ALDH1L2: variants seen among roughly 807,000 people sequenced by gnomAD.
ALDH1L2 encodes the protein mitochondrial 10-formyltetrahydrofolate dehydrogenase.
In ALDH1L2, 91 loss-of-function variants were observed where a neutral mutation model predicts 111.0. The ratio of observed to expected loss-of-function variants is 0.82; its 90% CI spans 0.69 to 0.98. ALDH1L2 has a LOEUF of 0.98. Ranked by LOEUF, ALDH1L2 falls within the 50% of genes least tolerant of loss-of-function variation. The pLI, the probability that ALDH1L2 is intolerant of heterozygous loss-of-function variation, is 0.00. For missense variants in ALDH1L2, 995 were observed against 1,126.8 expected, an observed-to-expected ratio of 0.88 and a Z score of 1.67; for synonymous variants, 374 against 392.6, an observed-to-expected ratio of 0.95 and a Z score of 0.56.
rs1230465207 is a variant in ALDH1L2 at position 105,020,555 on chromosome 12, TC to T, written c.*3868del. 1.3e-5 allele frequency: 2 copies of T among 152,212 alleles called. No homozygotes were observed. The highest frequency in any genetic ancestry group is 4.8e-5 in the African/African-American group (2 of 41,444). The allele number at this position is 152,212 out of a possible 1,614,324, so 9.4% of individuals were successfully genotyped here. ...AAGTACCTGTTCATGAAACTTACAT[TC>T]TAATGGGAAAAGATCATTGATTAAT... On this transcript the variant is annotated 3_prime_UTR_variant, in exon 23 of 23. Coordinates refer to ENST00000258494, the MANE Select transcript of ALDH1L2 (RefSeq NM_001034173.4).
intron 1 of ALDH1L2, 33 bp downstream of exon 1, chr12:105,084,356 G>A: frequency 6.6e-7 from 1 of 1,505,252 alleles, no homozygotes; most frequent in Non-Finnish European, 8.8e-7. Context: ...AGGACAGGGT[G>A]ACAGCCGGGA....
At chr12:105,032,791 AC>A (rs1874778280) in intron 19 of ALDH1L2, among the ~76,000 whole-genome samples, 1 of 140,494 alleles carries the variant, frequency 7.1e-6, no homozygotes. Flanking sequence ...AATATCACAT[AC>A]TTACACTGTT....
chr12:105,026,680 TAAA>T lies in ALDH1L2; in HGVS notation c.2578_2580del (p.Phe860del). ...TACATAGCTTTGTTTATGTCTCTTG[TAAA>T]AACCCCTGAGGCCAAACCATACTCT... On this transcript the variant is annotated inframe_deletion, in exon 22 of 23. Coordinates refer to ENST00000258494, the MANE Select transcript of ALDH1L2 (RefSeq NM_001034173.4). 1 of 1,614,190 alleles carries T rather than the reference TAAA, an allele frequency of 6.2e-7. No homozygotes were observed. Among genetic ancestry groups the T allele is most frequent in the Non-Finnish European group, 8.5e-7 (1 of 1,180,026 alleles).
chr12:105,037,879 C>A (rs1225493759), intron 18 of ALDH1L2, among the ~76,000 whole-genome samples: 2 of 152,050 alleles, frequency 1.3e-5, no homozygotes, highest in Non-Finnish European at 2.9e-5. Flanking sequence ...ATTCTCCTGC[C>A]TCAGCCTCCC....
In ALDH1L2 at chr12:105,066,255, CTTGT is replaced by C. The variant is rs750845780; in HGVS notation, c.696+309_696+312del. Among the ~76,000 whole-genome samples, 3 of 152,188 alleles carry C rather than the reference CTTGT, an allele frequency of 2.0e-5. No individual in the cohort carries two copies. The South Asian group carries it at 6.2e-4, about 32-fold the overall frequency. ...GGCGTTTCTGGGCATTTTTTATTTGCTTGTTTGTTTGTTTGTTTGCATAGTATCT... is the reference window on the plus strand; with the variant it reads ...GGCGTTTCTGGGCATTTTTTATTTGCTTGTTTGTTTGTTTGCATAGTATCT... On this transcript the variant is annotated intron_variant, in intron 5 of 22. Coordinates refer to ENST00000258494, the MANE Select transcript of ALDH1L2 (RefSeq NM_001034173.4).
chr12:105,074,436 T>A (rs556712206), intron 1 of ALDH1L2, among the ~76,000 whole-genome samples: 1 of 122,304 alleles, frequency 8.2e-6, no homozygotes, highest in East Asian at 2.5e-4. Flanking sequence ...CCAGTCTGAG[T>A]GACAGAGCAA....
chr12:105,053,665 C>T (rs1876434895), intron 10 of ALDH1L2, among the ~76,000 whole-genome samples: 1 of 152,084 alleles, frequency 6.6e-6, no homozygotes, highest in Non-Finnish European at 1.5e-5. Flanking sequence ...ACTGAGTGCT[C>T]ATGATCTATG....
At chr12:105,070,371 A>C (rs572665682) in intron 3 of ALDH1L2, 199 bp downstream of exon 3, 1 of 569,756 alleles carries the variant, frequency 1.8e-6, no homozygotes, top group Admixed American at 3.2e-5. Flanking sequence ...AAAAAACAGA[A>C]AGAATATAGG....
chr12:105,084,227 T>G (rs1013510737), intron 1 of ALDH1L2, among the ~76,000 whole-genome samples, 162 bp downstream of exon 1: 8 of 151,070 alleles, frequency 5.3e-5, no homozygotes, highest in African/African-American at 2.0e-4. Flanking sequence ...GAGGTCTCTC[T>G]GTTTTTGTTT....
intron 15 of ALDH1L2, among the ~76,000 whole-genome samples, chr12:105,042,544 T>G (rs1236863498): frequency 6.6e-6 from 1 of 152,192 alleles, no homozygotes; most frequent in East Asian, 1.9e-4. Context: ...TAATTTGTTT[T>G]GTTTATATTT....
intron 15 of ALDH1L2, among the ~76,000 whole-genome samples, chr12:105,046,049 A>G (rs1875826986): frequency 1.3e-5 from 2 of 151,208 alleles, no homozygotes; most frequent in African/African-American, 4.9e-5. Flanking sequence ...TTTGAAAACT[A>G]CCTGAACTAT....
chr12:105,061,826 T>C, intron 7 of ALDH1L2, 74 bp from the exon 8 acceptor site: 1 of 1,567,864 alleles, frequency 6.4e-7, no homozygotes, highest in Non-Finnish European at 8.7e-7. Flanking sequence ...GTGGGAGGAG[T>C]CCTATAGATT....
At chr12:105,072,135 T>C (rs1877770379) in intron 2 of ALDH1L2, among the ~76,000 whole-genome samples, 1 of 140,170 alleles carries the variant, frequency 7.1e-6, no homozygotes, top group African/African-American at 2.7e-5. Context: ...CTATTATTAA[T>C]ATATAATTGT....
Position 105,083,801 on chromosome 12 carries a change from C to A in ALDH1L2, c.48+588G>T, listed in dbSNP as rs138057881. Among the ~76,000 whole-genome samples, 349 of 152,240 alleles carry A rather than the reference C, an allele frequency of 2.3e-3. 1 individual carries two copies. The highest frequency in any genetic ancestry group is 8.1e-3 in the African/African-American group (336 of 41,542). On this transcript the variant is annotated intron_variant, in intron 1 of 22. Transcript: ENST00000258494. Reference sequence around the variant, plus strand: ...GTGCTACAGTAGAATAGTGTTCCAGCGTGGCTGCCTCTGCAGCGCCTGGCA... The same window carrying A: ...GTGCTACAGTAGAATAGTGTTCCAGAGTGGCTGCCTCTGCAGCGCCTGGCA...
intron 21 of ALDH1L2, among the ~76,000 whole-genome samples, chr12:105,029,090 A>AAG (rs1874569663): frequency 6.6e-6 from 1 of 150,452 alleles, no homozygotes; most frequent in African/African-American, 2.5e-5. Flanking sequence ...GCAGTGGCAC[A>AAG]ATCATAGCTC....
At chr12:105,063,130 G>A (rs1252808645) in intron 6 of ALDH1L2, 108 bp from the exon 7 acceptor site, 1 of 1,255,524 alleles carries the variant, frequency 8.0e-7, no homozygotes, top group Non-Finnish European at 1.1e-6. Flanking sequence ...ATTATCATCT[G>A]TAATAAAATT....
At chr12:105,082,609 A>T (rs1461209528) in intron 1 of ALDH1L2, among the ~76,000 whole-genome samples, 1 of 152,198 alleles carries the variant, frequency 6.6e-6, no homozygotes, top group African/African-American at 2.4e-5. Flanking sequence ...TCACCAGCTG[A>T]GGACAATTTA....
rs752204966 is a variant in ALDH1L2, at chr12:105,023,452, G to A, written c.*972C>T. 6.6e-6 allele frequency: 1 copy of A among 152,126 alleles called. No individual in the cohort carries two copies. Among genetic ancestry groups the A allele is most frequent in the Non-Finnish European group, 1.5e-5 (1 of 68,028 alleles). 9.4% of individuals were successfully genotyped at this position (152,126 alleles called of 1,614,324 possible). Reference sequence around the variant, plus strand: ...GGAATTGATGATTGAAAAGGGTTGTGGGAAATGAATTCATCTAGTTAATTA... The same window carrying A: ...GGAATTGATGATTGAAAAGGGTTGTAGGAAATGAATTCATCTAGTTAATTA... On this transcript the variant is annotated 3_prime_UTR_variant, in exon 23 of 23. Coordinates refer to ENST00000258494, the MANE Select transcript of ALDH1L2 (RefSeq NM_001034173.4).
intron 2 of ALDH1L2, among the ~76,000 whole-genome samples, chr12:105,071,630 A>ATTTTT (rs1877706552): frequency 7.8e-5 from 1 of 12,768 alleles, no homozygotes; most frequent in African/African-American, 3.9e-4. Context: ...ATATATATAT[A>ATTTTT]TATATATATA....
Sources: allele counts gnomAD v4.1 joint callset (sites outside exome capture counted in the v4.1 genomes callset), GRCh38; gene constraint gnomAD v4.1.1; transcripts MANE v1.5; gene names NCBI Gene and HGNC (gene_info 2026-07-23, HGNC 2026-07-21).